SOX6: variants seen among roughly 807,000 people sequenced by gnomAD.
The protein encoded by SOX6 is transcription factor SOX-6.
A neutral mutation model predicts 97.8 loss-of-function variants in SOX6; 11 were observed. The observed-to-expected ratio is 0.11, with a 90% CI of 0.07 to 0.19. SOX6 has a LOEUF of 0.19. SOX6 is among the 10% of genes least tolerant of loss of function. The pLI is 1.00. For synonymous variants in SOX6, 360 were observed against 371.4 expected (o/e 0.97, Z 0.35); for missense variants, 810 against 1,039.5 (o/e 0.78, Z 3.04).
intron 1 of SOX6, among the ~76,000 whole-genome samples, chr11:16,405,861 T>A (rs1229676305): frequency 1.3e-5 from 2 of 152,000 alleles, no homozygotes; most frequent in Non-Finnish European, 2.9e-5. Context: ...TAAATCGAGT[T>A]TCCTTTTTCT....
intron 4 of SOX6, among the ~76,000 whole-genome samples, chr11:16,508,648 GGAGA>G (rs1395343096): frequency 1.3e-5 from 2 of 152,134 alleles, no homozygotes; most frequent in Non-Finnish European, 2.9e-5. Flanking sequence ...TCATGATCAT[GGAGA>G]GAGAGTATAG....
chr11:16,193,522 G>T (rs1851687686), intron 4 of SOX6, among the ~76,000 whole-genome samples: 1 of 152,148 alleles, frequency 6.6e-6, no homozygotes, highest in Admixed American at 6.6e-5. Context: ...TTAGATCAAT[G>T]CACACATTAA....
At chr11:16,109,028 A>G (rs1849163748) in intron 7 of SOX6, among the ~76,000 whole-genome samples, 4 of 151,264 alleles carry the variant, frequency 2.6e-5, no homozygotes, top group South Asian at 4.2e-4. Context: ...GTGGAAAGGG[A>G]AAAAAAAAGG....
chr11:16,551,241 C>T (rs1423732717), intron 4 of SOX6, among the ~76,000 whole-genome samples: 1 of 152,078 alleles, frequency 6.6e-6, no homozygotes, highest in Non-Finnish European at 1.5e-5. Flanking sequence ...GTTCCAGCTA[C>T]TCAAGAGCTG....
At chr11:16,115,060 C>T (rs1470730076) in intron 6 of SOX6, among the ~76,000 whole-genome samples, 1 of 152,104 alleles carries the variant, frequency 6.6e-6, no homozygotes, top group African/African-American at 2.4e-5. Context: ...TCACACTCTG[C>T]AAAGAAAGCT....
At chr11:16,594,683 G>GTTTTTTTTTTTTTTTTTT (rs1565188995) in intron 4 of SOX6, among the ~76,000 whole-genome samples, 1 of 47,806 alleles carries the variant, frequency 2.1e-5, no homozygotes, top group African/African-American at 8.1e-5. Context: ...TTCGGTTTTT[G>GTTTTTTTTTTTTTTTTTT]CTTTTTTTTT....
upstream of SOX6, among the ~76,000 whole-genome samples, chr11:16,360,239 G>A (rs1012102358): frequency 6.6e-6 from 1 of 152,092 alleles, no homozygotes; most frequent in Non-Finnish European, 1.5e-5. Context: ...GAGTTTGGGT[G>A]GTGATGCCTA....
chr11:16,210,693 C>T (rs1225975844), intron 4 of SOX6, among the ~76,000 whole-genome samples: 2 of 152,194 alleles, frequency 1.3e-5, no homozygotes, highest in African/African-American at 4.8e-5. Flanking sequence ...CCTTCTCTCA[C>T]ACTCACAGGC....
At chr11:16,071,415 G>A (rs1848221925) in intron 9 of SOX6, among the ~76,000 whole-genome samples, 1 of 152,164 alleles carries the variant, frequency 6.6e-6, no homozygotes, top group South Asian at 2.1e-4. Flanking sequence ...GTGCCCAGAA[G>A]GCAGGGTGGA....
At chr11:16,579,946 C>T (rs112366272) in intron 4 of SOX6, among the ~76,000 whole-genome samples, 107 of 152,224 alleles carry the variant, frequency 7.0e-4, no homozygotes, top group African/African-American at 2.1e-3. Context: ...CTCACCAACA[C>T]GCAAGGCATT....
chr11:16,000,782 T>C (rs1047623647), intron 13 of SOX6, among the ~76,000 whole-genome samples: 32 of 152,150 alleles, frequency 2.1e-4, no homozygotes, highest in Admixed American at 2.1e-3. Context: ...TAGAAAGGCC[T>C]AGTTATATAT....
chr11:16,320,614 G>A (rs1485290159), intron 2 of SOX6, among the ~76,000 whole-genome samples: 1 of 151,996 alleles, frequency 6.6e-6, no homozygotes, highest in Non-Finnish European at 1.5e-5. Flanking sequence ...AACAGATTTG[G>A]GAATGGGACT....
At chr11:16,302,807 T>C (rs528479679) in intron 3 of SOX6, among the ~76,000 whole-genome samples, 1 of 152,178 alleles carries the variant, frequency 6.6e-6, no homozygotes, top group African/African-American at 2.4e-5. Context: ...TGAACTCAAG[T>C]GATCCACCTG....
In SOX6 at chr11:16,610,420, G is replaced by T. The variant is rs1848382593; in HGVS notation, n.609+1661C>A. Among the ~76,000 whole-genome samples the T allele has an allele frequency of 6.6e-6, 1 of 152,144 alleles. No individual in the cohort carries two copies. The highest frequency in any genetic ancestry group is 2.1e-4 in the South Asian group (1 of 4,826). The stretch of plus-strand genomic sequence containing the variant: ...CTCTTTAAATCACAGAGCAATCGGG[G>T]TTCTGGTGGGCAAGACTGACCCTGC... On this transcript the variant is annotated intron_variant and non_coding_transcript_variant, in intron 4 of 5. Coordinates refer to the SOX6 transcript ENST00000524520. The surrounding 1 kb of genome is among the most constrained non-coding windows in gnomAD (Gnocchi z 4.4).
intron 4 of SOX6, among the ~76,000 whole-genome samples, chr11:16,546,586 ATC>A: frequency 6.6e-6 from 1 of 152,290 alleles, no homozygotes; most frequent in Admixed American, 6.5e-5. Flanking sequence ...CTAGTCCCCT[ATC>A]TCTCACCATA....
chr11:16,599,960 C>T (rs1341532134), intron 4 of SOX6, among the ~76,000 whole-genome samples: 2 of 152,122 alleles, frequency 1.3e-5, no homozygotes, highest in African/African-American at 4.8e-5. Context: ...ATAGTTGATG[C>T]ACAAAAGCCA....
At chr11:16,563,741 C>T (rs1847839650) in intron 4 of SOX6, among the ~76,000 whole-genome samples, 2 of 152,100 alleles carry the variant, frequency 1.3e-5, no homozygotes. Flanking sequence ...TAGTCACATA[C>T]ATACATAAAC....
chr11:16,732,791 T>C (rs1349495656), intron 2 of SOX6, among the ~76,000 whole-genome samples: 1 of 152,190 alleles, frequency 6.6e-6, no homozygotes, highest in African/African-American at 2.4e-5. Context: ...ATCATTGCAG[T>C]GAACAGGCAA....
chr11:16,654,887 C>T (rs552977809), intron 3 of SOX6, among the ~76,000 whole-genome samples: 45 of 152,246 alleles, frequency 3.0e-4, no homozygotes, highest in African/African-American at 1.0e-3. Flanking sequence ...GATCACCAGA[C>T]CCTGCTGAAG....
Sources: gnomAD v4.1 joint callset for allele counts (sites outside exome capture counted in the v4.1 genomes callset) on GRCh38, gnomAD v4.1.1 for gene constraint, Gnocchi (gnomAD v3.1) non-coding constraint, MANE v1.5 for transcripts, NCBI Gene and HGNC (gene_info 2026-07-23, HGNC 2026-07-21) for gene names.